The following ASMTL variants were observed in gnomAD, a reference collection of about 807,000 sequenced individuals.
The protein encoded by ASMTL is acetylserotonin O-methyltransferase like.
In ASMTL, 57 loss-of-function variants were observed where a neutral mutation model predicts 60.3. The ratio of observed to expected loss-of-function variants is 0.95; its 90% CI spans 0.76 to 1.18. ASMTL has a LOEUF of 1.18. ASMTL is among the 50% of genes most tolerant of loss of function. ASMTL has a pLI of 0.00. For missense variants in ASMTL, 981 were observed against 852.6 expected, an observed-to-expected ratio of 1.15 and a Z score of -1.88; for synonymous variants, 419 against 373.0, an observed-to-expected ratio of 1.12 and a Z score of -1.42.
Position 1,428,091 on chromosome X carries a change from G to T in ASMTL, c.540C>A (p.Ala180=), listed in dbSNP as rs781225723. The change falls in exon 7 of 13, where the codon GCC becomes GCA. Residue 180 remains alanine (A), a synonymous_variant. Coordinates refer to ENST00000381317, the MANE Select transcript of ASMTL (RefSeq NM_004192.4). The part of the protein sequence containing the change: ...MDKAGGYGIQ[A]LGGMLVESVH... ...CGGACTCCACCAGCATGCCGCCCAGGGCCTGGATCCCGTAGCCGCCAGCTT... is the reference window on the plus strand; with the variant it reads ...CGGACTCCACCAGCATGCCGCCCAGTGCCTGGATCCCGTAGCCGCCAGCTT... The T allele has an allele frequency of 4.4e-6, 7 of 1,608,654 alleles. No individual in the cohort carries two copies. Among genetic ancestry groups the T allele is most frequent in the Non-Finnish European group, 6.0e-6 (7 of 1,175,674 alleles).
In ASMTL at chrX:1,442,212, G is replaced by C. The variant is rs770937508; in HGVS notation, c.199C>G (p.Leu67Val). The change falls in exon 2 of 13, where the codon CTG becomes GTG. Residue 67 changes from leucine (L) to valine (V), a missense_variant. Leu to Val is a conservative substitution (Grantham distance 32). Coordinates refer to ENST00000381317, the MANE Select transcript of ASMTL (RefSeq NM_004192.4). ...TGGTACAGCCGGTTGGCCACCTCCA[G>C]GGCCTTCTGCTTGGCGGTCTCCATG... The part of the protein sequence containing the change: ...YAMETAKQKA[L>V]EVANRLYQKD... The C allele has an allele frequency of 1.9e-6, 3 of 1,613,796 alleles. No individual in the cohort carries two copies. Among genetic ancestry groups the C allele is most frequent in the African/African-American group, 1.3e-5 (1 of 75,030 alleles).
intron 6 of ASMTL, among the ~76,000 whole-genome samples, chrX:1,428,646 C>CAAATAAATAAATAAATCAAT (rs2090681347): frequency 7.4e-6 from 1 of 134,420 alleles, no homozygotes. Flanking sequence ...GACTCCGTCT[C>CAAATAAATAAATAAATCAAT]AAATAAATAA....
intron 1 of ASMTL, among the ~76,000 whole-genome samples, chrX:1,447,055 C>G (rs1243492812): frequency 1.3e-5 from 2 of 152,162 alleles, no homozygotes; most frequent in African/African-American, 4.8e-5. Flanking sequence ...TTTCTTAAAG[C>G]CCTGTGAACT....
At chrX:1,448,691 T>G (rs1347895886) in intron 1 of ASMTL, among the ~76,000 whole-genome samples, 2 of 124,402 alleles carry the variant, frequency 1.6e-5, no homozygotes, top group East Asian at 4.9e-4. Flanking sequence ...GGACACACAC[T>G]GCCATCTTGG....
chrX:1,440,182 G>A (rs2091075947), intron 2 of ASMTL, among the ~76,000 whole-genome samples: 1 of 151,814 alleles, frequency 6.6e-6, no homozygotes, highest in Admixed American at 6.6e-5. Flanking sequence ...CGCCTCCCGG[G>A]TTCACGCCAT....
Position 1,435,235 on chromosome X carries a change from C to T in ASMTL, c.339-152G>A, listed in dbSNP as rs1205084571. 6 of 832,312 alleles carry T rather than the reference C, an allele frequency of 7.2e-6. No homozygotes were observed. In the African/African-American group the frequency reaches 1.0e-4, roughly 14 times the overall value. The allele number at this position is 832,312 out of a possible 1,614,324, so 51.6% of individuals were successfully genotyped here. On this transcript the variant is annotated intron_variant, in intron 4 of 12. Coordinates refer to ENST00000381317, the MANE Select transcript of ASMTL (RefSeq NM_004192.4). ...CCCGATCGTCCCGCTGTGGGGTCTC[C>T]AGGGAAACCTTTACGGAGAGGCCGA... is the stretch of plus-strand genomic sequence containing the variant.
chrX:1,411,871 G>A (rs1201125807), intron 12 of ASMTL, among the ~76,000 whole-genome samples: 3 of 140,698 alleles, frequency 2.1e-5, no homozygotes, highest in African/African-American at 8.0e-5. Flanking sequence ...GGAGTGCGGT[G>A]GCGCAGTCTC....
chrX:1,416,758 G>C (rs372839095), intron 11 of ASMTL, among the ~76,000 whole-genome samples: 1 of 116,304 alleles, frequency 8.6e-6, no homozygotes, highest in African/African-American at 3.2e-5. Flanking sequence ...TGCACACACA[G>C]ACACATGCAC....
At chrX:1,414,387 G>T (rs1210525668) in intron 11 of ASMTL, among the ~76,000 whole-genome samples, 1 of 152,202 alleles carries the variant, frequency 6.6e-6, no homozygotes, top group Non-Finnish European at 1.5e-5. Flanking sequence ...CCCCAGCTGC[G>T]AGGAGAAGGT....
chrX:1,417,744 T>A (rs1395828984), intron 11 of ASMTL, among the ~76,000 whole-genome samples: 1 of 37,890 alleles, frequency 2.6e-5, no homozygotes, highest in African/African-American at 6.0e-5. Flanking sequence ...ACAGACATGC[T>A]CACGCACAGA....
chrX:1,451,289 G>GGTC (rs1253087502), intron 1 of ASMTL, among the ~76,000 whole-genome samples: 1 of 142,828 alleles, frequency 7.0e-6, no homozygotes. Context: ...TCCCTAGGGG[G>GGTC]TCCTGGGTTA....
intron 8 of ASMTL, 98 bp from the exon 9 acceptor site, chrX:1,421,940 C>G: frequency 8.6e-7 from 1 of 1,158,358 alleles, no homozygotes; most frequent in Non-Finnish European, 1.3e-6. Context: ...ATAAACATCA[C>G]CCATCTGACT....
chrX:1,424,237 C>T (rs1473492283), intron 8 of ASMTL, among the ~76,000 whole-genome samples: 10 of 146,586 alleles, frequency 6.8e-5, no homozygotes, highest in Non-Finnish European at 1.5e-5. Context: ...GCCATGCACC[C>T]GTCCATCCAT....
chrX:1,423,188 G>A (rs1170132029), intron 8 of ASMTL, among the ~76,000 whole-genome samples: 1 of 152,134 alleles, frequency 6.6e-6, no homozygotes, highest in East Asian at 1.9e-4. Flanking sequence ...TCCTGAACTC[G>A]TGATCTGCCT....
intron 12 of ASMTL, among the ~76,000 whole-genome samples, chrX:1,404,461 G>C (rs1424823853): frequency 1.5e-4 from 22 of 147,062 alleles, no homozygotes; most frequent in Admixed American, 1.4e-3. Context: ...TAGATGGGTA[G>C]GTAGGTAGAT....
chrX:1,434,370 G>C (rs1435388288), intron 5 of ASMTL, among the ~76,000 whole-genome samples: 1 of 151,838 alleles, frequency 6.6e-6, no homozygotes, highest in African/African-American at 2.4e-5. Flanking sequence ...TGTGCCTGTA[G>C]TTTCTGTGAC....
chrX:1,434,979 G>C (rs45465401), intron 5 of ASMTL, 43 bp downstream of exon 5: 347,292 of 1,609,476 alleles, frequency 0.22, 39,314 homozygotes, highest in Middle Eastern at 0.27. Context: ...CCGGGTCCTT[G>C]TCTCGGCCTC....
At chrX:1,443,287 ACACACACCGCCATCTTG>A (rs2091153395) in intron 1 of ASMTL, among the ~76,000 whole-genome samples, 1 of 11,398 alleles carries the variant, frequency 8.8e-5, no homozygotes, top group African/African-American at 1.2e-4. Context: ...GCCATCATGG[ACACACACCGCCATCTTG>A]GACACACACC....
intron 8 of ASMTL, among the ~76,000 whole-genome samples, chrX:1,423,041 C>T (rs1443751110): frequency 1.3e-5 from 2 of 152,188 alleles, no homozygotes; most frequent in Non-Finnish European, 2.9e-5. Context: ...CAAGCTCCGT[C>T]TCCTGGGTTC....
Sources: allele counts gnomAD v4.1 joint callset (sites outside exome capture counted in the v4.1 genomes callset), GRCh38; gene constraint gnomAD v4.1.1; transcripts MANE v1.5; gene names NCBI Gene and HGNC (gene_info 2026-07-23, HGNC 2026-07-21).